The following ELOVL7 variants were observed in gnomAD, a reference collection of about 807,000 sequenced individuals.
ELOVL7 encodes very long chain fatty acid elongase 7.
In ELOVL7, 27 loss-of-function variants were observed where a neutral mutation model predicts 35.7. That is an observed-to-expected ratio of 0.76 (90% CI 0.56 to 1.04). ELOVL7 has a LOEUF of 1.04. Ranked by LOEUF, ELOVL7 falls within the 50% of genes least tolerant of loss-of-function variation. The pLI is 0.00. For synonymous variants in ELOVL7, 113 were observed against 114.6 expected (o/e 0.99, Z 0.09); for missense variants, 327 against 340.8 (o/e 0.96, Z 0.32).
intron 3 of ELOVL7, among the ~76,000 whole-genome samples, chr5:60,782,871 T>C (rs1743345484): frequency 6.6e-6 from 1 of 152,206 alleles, no homozygotes. Flanking sequence ...TGACATTTAT[T>C]GCACAGCATG....
At chr5:60,786,306 A>G (rs1284079847) in intron 3 of ELOVL7, among the ~76,000 whole-genome samples, 1 of 152,182 alleles carries the variant, frequency 6.6e-6, no homozygotes, top group African/African-American at 2.4e-5. Context: ...TTAAAACTTT[A>G]AAAAATGGTT....
At chr5:60,834,436 C>T (rs929905744) in intron 1 of ELOVL7, among the ~76,000 whole-genome samples, 5 of 152,184 alleles carry the variant, frequency 3.3e-5, no homozygotes, top group Non-Finnish European at 7.3e-5. Flanking sequence ...TGAGCCACTG[C>T]GCCCGACCGG....
chr5:60,791,432 T>A (rs1195091087), intron 2 of ELOVL7, among the ~76,000 whole-genome samples: 1 of 152,180 alleles, frequency 6.6e-6, no homozygotes, highest in Admixed American at 6.5e-5. Flanking sequence ...AGGTACTATG[T>A]TCACTATATG....
chr5:60,835,556 C>T lies in ELOVL7; in HGVS notation c.-86+8604G>A, dbSNP rs781081668. Among the ~76,000 whole-genome samples the T allele has an allele frequency of 1.3e-4, 20 of 151,946 alleles. 1 individual carries two copies. The highest frequency in any genetic ancestry group is 4.1e-4 in the South Asian group (2 of 4,828). ...CCTCTGGAGTAGCTAGGACTACAGA[C>T]GCATGCCACCACACCCAGTTATTTT... On this transcript the variant is annotated intron_variant, in intron 1 of 8. Coordinates refer to ENST00000508821, the MANE Select transcript of ELOVL7 (RefSeq NM_024930.3).
intron 4 of ELOVL7, among the ~76,000 whole-genome samples, chr5:60,770,619 T>G (rs1742520396): frequency 6.6e-6 from 1 of 152,198 alleles, no homozygotes; most frequent in Admixed American, 6.5e-5. Context: ...GAGTGGCCTG[T>G]GAGTTAATTT....
intron 1 of ELOVL7, among the ~76,000 whole-genome samples, chr5:60,821,284 C>G (rs1745869913): frequency 6.6e-6 from 1 of 152,330 alleles, no homozygotes; most frequent in Admixed American, 6.5e-5. Flanking sequence ...ACTGTCCCTG[C>G]TGGACTTCTA....
intron 7 of ELOVL7, among the ~76,000 whole-genome samples, chr5:60,763,131 A>C (rs1368463254): frequency 6.6e-6 from 1 of 152,224 alleles, no homozygotes; most frequent in African/African-American, 2.4e-5. Flanking sequence ...AAGCAGCTAC[A>C]TTTACTTAAA....
rs188405855 is a variant in ELOVL7, at chr5:60,761,991, T to C, written c.499+2236A>G. Among the ~76,000 whole-genome samples, 109 of 152,238 alleles carry C rather than the reference T, an allele frequency of 7.2e-4. No homozygotes were observed. The South Asian group carries it at 0.011, about 15-fold the overall frequency. On this transcript the variant is annotated intron_variant, in intron 7 of 8. Coordinates refer to ENST00000508821, the MANE Select transcript of ELOVL7 (RefSeq NM_024930.3). ...CTGCTAGTGTGGAGATAAATCATAT[T>C]ATGGCTAGGGGTCATGATGGTAGGA...
At chr5:60,811,948 A>T (rs138897044) in intron 1 of ELOVL7, among the ~76,000 whole-genome samples, 243 of 152,352 alleles carry the variant, frequency 1.6e-3, no homozygotes, top group African/African-American at 3.8e-3. Flanking sequence ...AGGTACAGTC[A>T]CTCAGACCTT....
At chr5:60,769,726 T>C (rs1313322339) in intron 4 of ELOVL7, among the ~76,000 whole-genome samples, 1 of 152,166 alleles carries the variant, frequency 6.6e-6, no homozygotes, top group Non-Finnish European at 1.5e-5. Context: ...TGGAACTTTT[T>C]ACATATATGT....
chr5:60,798,583 AG>A (rs1170276489), intron 2 of ELOVL7, among the ~76,000 whole-genome samples: 1 of 152,260 alleles, frequency 6.6e-6, no homozygotes, highest in Non-Finnish European at 1.5e-5. Flanking sequence ...CAGGCCAAAT[AG>A]ACTTTAAGTC....
intron 2 of ELOVL7, among the ~76,000 whole-genome samples, chr5:60,791,027 G>A (rs933494082): frequency 5.9e-5 from 9 of 152,226 alleles, no homozygotes; most frequent in Middle Eastern, 6.8e-3. Context: ...ACCCAGGCTG[G>A]AGTGCACTTA....
intron 1 of ELOVL7, among the ~76,000 whole-genome samples, chr5:60,827,810 T>C (rs929700306): frequency 4.6e-5 from 7 of 152,146 alleles, no homozygotes; most frequent in Non-Finnish European, 1.0e-4. Flanking sequence ...TGCCCTAGTT[T>C]CCCCAGGTGA....
At chr5:60,791,039 A>G (rs1261712328) in intron 2 of ELOVL7, among the ~76,000 whole-genome samples, 1 of 152,108 alleles carries the variant, frequency 6.6e-6, no homozygotes, top group Non-Finnish European at 1.5e-5. Flanking sequence ...GTGCACTTAG[A>G]GAGCTTGACT....
intron 1 of ELOVL7, among the ~76,000 whole-genome samples, chr5:60,825,996 C>T (rs541733456): frequency 5.3e-5 from 8 of 152,334 alleles, no homozygotes; most frequent in East Asian, 3.9e-4. Context: ...GAATGCCCAG[C>T]GGTGGACAGG....
chr5:60,836,425 A>G (rs575773811), intron 1 of ELOVL7, among the ~76,000 whole-genome samples: 1 of 152,052 alleles, frequency 6.6e-6, no homozygotes, highest in African/African-American at 2.4e-5. Flanking sequence ...TGAAGCTATC[A>G]GCTGTGCTTT....
chr5:60,762,506 T>C (rs894217882), intron 7 of ELOVL7, among the ~76,000 whole-genome samples: 5 of 152,010 alleles, frequency 3.3e-5, no homozygotes, highest in Admixed American at 2.0e-4. Context: ...TTAGAAAATA[T>C]AGAGAAAGGG....
intron 1 of ELOVL7, among the ~76,000 whole-genome samples, chr5:60,831,876 C>T (rs939563796): frequency 2.1e-4 from 32 of 152,120 alleles, no homozygotes; most frequent in African/African-American, 7.7e-4. Flanking sequence ...TTCCATTTAT[C>T]ACAACTGCAT....
At chr5:60,770,671 C>T (rs1742523436) in intron 4 of ELOVL7, among the ~76,000 whole-genome samples, 1 of 152,088 alleles carries the variant, frequency 6.6e-6, no homozygotes, top group East Asian at 1.9e-4. Flanking sequence ...AGAGTGAGTC[C>T]AGACTATAGG....
Sources: allele counts gnomAD v4.1 joint callset (sites outside exome capture counted in the v4.1 genomes callset), GRCh38; gene constraint gnomAD v4.1.1; transcripts MANE v1.5; gene names NCBI Gene and HGNC (gene_info 2026-07-23, HGNC 2026-07-21).